The following SKA2 variants were observed in gnomAD, a reference collection of about 807,000 sequenced individuals.
The protein encoded by SKA2 is spindle and kinetochore associated complex subunit 2, also known as spindle and kinetochore-associated protein 2.
Under a neutral mutation model 16.9 loss-of-function variants are expected in SKA2, and 13 were observed. The ratio of observed to expected loss-of-function variants is 0.77; its 90% CI spans 0.50 to 1.22. The LOEUF is 1.22. Among genes scored for constraint, SKA2 ranks in the 50% most tolerant of loss-of-function variants. The probability of loss-of-function intolerance (pLI) is 0.00; values close to 1 mark genes in which losing one functional copy is unlikely to be tolerated. For missense variants in SKA2, 107 were observed against 139.7 expected (o/e 0.77, Z 1.18); for synonymous variants, 47 against 48.5 (o/e 0.97, Z 0.13).
rs1416382938 is a variant in SKA2, at chr17:59,132,350, C to G, written c.34-983G>C. ...CAGCCTGGGCGACAAGAATGAAACT[C>G]CGTCTCCACAAAAAAAAAAATAAGT... On this transcript the variant is annotated intron_variant, in intron 1 of 3. Coordinates refer to ENST00000330137, the MANE Select transcript of SKA2 (RefSeq NM_182620.4). Among the ~76,000 whole-genome samples the G allele has an allele frequency of 3.4e-5, 5 of 145,536 alleles. No individual in the cohort carries two copies. The East Asian group carries it at 1.0e-3, about 30-fold the overall frequency.
At chr17:59,145,805 A>C (rs1199904465) in intron 1 of SKA2, among the ~76,000 whole-genome samples, 1 of 152,068 alleles carries the variant, frequency 6.6e-6, no homozygotes, top group Non-Finnish European at 1.5e-5. Context: ...TTTGGGCAAC[A>C]AAGGGAAACC....
At chr17:59,126,215 A>AAAC (rs2046371900) in intron 2 of SKA2, among the ~76,000 whole-genome samples, 1 of 141,428 alleles carries the variant, frequency 7.1e-6, no homozygotes, top group Non-Finnish European at 1.6e-5. Context: ...AATAAATAAA[A>AAAC]TTATGTTTCT....
chr17:59,121,723 C>T (rs1599660993), intron 2 of SKA2, among the ~76,000 whole-genome samples: 1 of 123,036 alleles, frequency 8.1e-6, no homozygotes, highest in African/African-American at 3.2e-5. Context: ...CCGAGGCGGG[C>T]GGATTGCCTG....
chr17:59,147,377 G>GACACACACAC (rs57098353), intron 1 of SKA2, among the ~76,000 whole-genome samples: 24,786 of 137,932 alleles, frequency 0.18, 2,258 homozygotes, highest in African/African-American at 0.21. Flanking sequence ...TTATATATAA[G>GACACACACAC]ACACACACAC....
At chr17:59,116,810 CTTTTTT>C (rs909458290) in intron 3 of SKA2, among the ~76,000 whole-genome samples, 1 of 75,300 alleles carries the variant, frequency 1.3e-5, no homozygotes. Context: ...CTGCCTTTGG[CTTTTTT>C]TTTTTTTTTT....
chr17:59,140,135 T>C (rs1163379267), intron 1 of SKA2, among the ~76,000 whole-genome samples: 1 of 152,016 alleles, frequency 6.6e-6, no homozygotes, highest in Non-Finnish European at 1.5e-5. Context: ...TAACATGCCC[T>C]AACACCAGGT....
chr17:59,142,624 A>AT (rs1036316340), intron 1 of SKA2, among the ~76,000 whole-genome samples: 1 of 150,650 alleles, frequency 6.6e-6, no homozygotes, highest in African/African-American at 2.4e-5. Context: ...ATATTTTAAT[A>AT]TTAAAAAAAA....
chr17:59,116,014 G>A (rs961128301), intron 3 of SKA2, among the ~76,000 whole-genome samples: 2 of 151,376 alleles, frequency 1.3e-5, no homozygotes, highest in Non-Finnish European at 2.9e-5. Context: ...TTTTTGTTTG[G>A]GTGTAAGTTT....
chr17:59,154,963 G>A (rs763944292), intron 1 of SKA2, 168 bp downstream of exon 1: 1 of 1,613,956 alleles, frequency 6.2e-7, no homozygotes, highest in Non-Finnish European at 8.5e-7. Context: ...TACCCGAGGC[G>A]GTTTAGACAC....
At chr17:59,146,935 G>A (rs1555713361) in intron 1 of SKA2, among the ~76,000 whole-genome samples, 1 of 152,168 alleles carries the variant, frequency 6.6e-6, no homozygotes, top group Non-Finnish European at 1.5e-5. Flanking sequence ...CTCCCAGAGC[G>A]CTGGGATTAT....
chr17:59,135,310 C>CTTTTTTT (rs71145527), intron 1 of SKA2, among the ~76,000 whole-genome samples: 1 of 126,128 alleles, frequency 7.9e-6, no homozygotes, highest in African/African-American at 2.8e-5. Flanking sequence ...ACTAAACTGT[C>CTTTTTTT]TTTTTTTTTT....
At chr17:59,120,054 G>GC (rs2046322269) in intron 2 of SKA2, among the ~76,000 whole-genome samples, 1 of 151,636 alleles carries the variant, frequency 6.6e-6, no homozygotes, top group South Asian at 2.1e-4. Context: ...GACTACAGGC[G>GC]CCCGCCACCA....
intron 2 of SKA2, among the ~76,000 whole-genome samples, chr17:59,130,924 A>G (rs1323068667): frequency 6.6e-6 from 1 of 152,208 alleles, no homozygotes; most frequent in East Asian, 1.9e-4. Flanking sequence ...TACCTTCCTC[A>G]GAGAATATGC....
chr17:59,153,556 T>C (rs559953327), intron 1 of SKA2, among the ~76,000 whole-genome samples: 22 of 152,078 alleles, frequency 1.4e-4, no homozygotes, highest in Non-Finnish European at 2.5e-4. Context: ...GAAAATAAGA[T>C]ATATCAAGGC....
At chr17:59,144,796 G>A (rs964153000) in intron 1 of SKA2, among the ~76,000 whole-genome samples, 1 of 152,012 alleles carries the variant, frequency 6.6e-6, no homozygotes, top group Non-Finnish European at 1.5e-5. Flanking sequence ...ATTGTATAAT[G>A]GGTATAGAGT....
intron 2 of SKA2, among the ~76,000 whole-genome samples, chr17:59,130,457 C>CAAAAAAAAAAAAAAAAA (rs569934567): frequency 4.3e-5 from 3 of 70,394 alleles, no homozygotes; most frequent in African/African-American, 4.7e-5. Flanking sequence ...ACTAAAAATA[C>CAAAAAAAAAAAAAAAAA]AAAAAAAAAA....
chr17:59,111,972 GA>G lies in SKA2; in HGVS notation c.*304del. On this transcript the variant is annotated 3_prime_UTR_variant, in exon 4 of 4. Coordinates refer to ENST00000330137, the MANE Select transcript of SKA2 (RefSeq NM_182620.4). Reference sequence around the variant, plus strand: ...TATCATGACTTAGAAAAAGAAAACAGATGCAAAATAGTGTTGAGAATTTCTG... The same window carrying G: ...TATCATGACTTAGAAAAAGAAAACAGTGCAAAATAGTGTTGAGAATTTCTG... 3.7e-6 allele frequency: 1 copy of G among 272,568 alleles called. No homozygotes were observed. Among genetic ancestry groups the G allele is most frequent in the Non-Finnish European group, 7.3e-6 (1 of 137,862 alleles). 16.9% of individuals were successfully genotyped at this position (272,568 alleles called of 1,614,324 possible). A position where few individuals can be genotyped will look rare whatever the true frequency, so the allele number is the denominator to read the frequency against.
chr17:59,112,046 TA>T lies in SKA2; in HGVS notation c.*230del. 2.0e-6 allele frequency: 1 copy of T among 510,812 alleles called. No individual in the cohort carries two copies. The highest frequency in any genetic ancestry group is 3.6e-6 in the Non-Finnish European group (1 of 280,716). 31.6% of individuals were successfully genotyped at this position (510,812 alleles called of 1,614,324 possible). A position where few individuals can be genotyped will look rare whatever the true frequency, so the allele number is the denominator to read the frequency against. On this transcript the variant is annotated 3_prime_UTR_variant, in exon 4 of 4. Transcript: ENST00000330137. ...GTGTGTGTGCATGCGTGTGTACATA[TA>T]TTTAAATCGTTTTATTCTCATTTGA...
chr17:59,118,273 G>C (rs2046310127), intron 3 of SKA2: 1 of 151,668 alleles, frequency 6.6e-6, no homozygotes, highest in Non-Finnish European at 1.5e-5. Context: ...TCTCAAAAAA[G>C]AAAAAAAATC....
Sources: allele counts gnomAD v4.1 joint callset (sites outside exome capture counted in the v4.1 genomes callset), GRCh38; gene constraint gnomAD v4.1.1; transcripts MANE v1.5; gene names NCBI Gene and HGNC (gene_info 2026-07-23, HGNC 2026-07-21).